The following MEOX2 variants were observed in gnomAD, a reference collection of about 807,000 sequenced individuals.
MEOX2 encodes the protein homeobox protein MOX-2.
Under a neutral mutation model 27.0 loss-of-function variants are expected in MEOX2, and 11 were observed. That is an observed-to-expected ratio of 0.41 (90% CI 0.26 to 0.68). The LOEUF is 0.68. MEOX2 is among the 30% of genes least tolerant of loss of function. MEOX2 has a pLI of 0.33. For synonymous variants in MEOX2, 189 were observed against 155.4 expected (o/e 1.22, Z -1.61); for missense variants, 436 against 385.4 (o/e 1.13, Z -1.10).
intron 2 of MEOX2, among the ~76,000 whole-genome samples, chr7:15,619,291 C>T (rs1781177708): frequency 6.6e-6 from 1 of 151,838 alleles, no homozygotes. Context: ...AAAAGGAATG[C>T]TGGGAGTGAT....
chr7:15,615,879 C>T (rs558685850), intron 2 of MEOX2, among the ~76,000 whole-genome samples: 57 of 151,892 alleles, frequency 3.8e-4, no homozygotes, highest in African/African-American at 1.3e-3. Flanking sequence ...TTTTAAAAAT[C>T]CACATATATT....
chr7:15,679,185 A>G (rs1459053183), intron 1 of MEOX2: 1 of 152,226 alleles, frequency 6.6e-6, no homozygotes, highest in East Asian at 1.9e-4. Context: ...ATGCATGCAT[A>G]TATATGTGTG....
intron 2 of MEOX2, among the ~76,000 whole-genome samples, chr7:15,614,658 T>A (rs947015694): frequency 8.5e-5 from 13 of 152,136 alleles, no homozygotes; most frequent in Non-Finnish European, 1.9e-4. Flanking sequence ...CTTTATTAAT[T>A]TTTCTATAGT....
At chr7:15,633,755 T>G (rs1295747983) in intron 1 of MEOX2, among the ~76,000 whole-genome samples, 1 of 151,922 alleles carries the variant, frequency 6.6e-6, no homozygotes, top group Non-Finnish European at 1.5e-5. Flanking sequence ...TTTATTTTCA[T>G]GTCTGCTTTG....
intron 1 of MEOX2, among the ~76,000 whole-genome samples, chr7:15,672,220 T>C (rs1323368888): frequency 6.6e-6 from 1 of 152,242 alleles, no homozygotes; most frequent in Non-Finnish European, 1.5e-5. Context: ...TGCTTGATAT[T>C]CCTTATGTTT....
In MEOX2 at chr7:15,686,548, T is replaced by G. The variant is rs1027368198; in HGVS notation, c.-146A>C. ...GTGCACTTCTGCAGAGCTCGGATAA[T>G]CCCGGTCCTGAGCCCCAGCGGCCAG... On this transcript the variant is annotated 5_prime_UTR_variant, in exon 1 of 3. Transcript: ENST00000262041. The G allele has an allele frequency of 2.0e-5, 15 of 740,114 alleles. No homozygotes were observed. Among genetic ancestry groups the G allele is most frequent in the African/African-American group, 2.0e-4 (11 of 56,162 alleles). The allele number at this position is 740,114 out of a possible 1,614,324, so 45.8% of individuals were successfully genotyped here.
intron 2 of MEOX2, 64 bp downstream of exon 2, chr7:15,626,682 G>A (rs1177768674): frequency 8.4e-7 from 1 of 1,193,738 alleles, no homozygotes; most frequent in Non-Finnish European, 1.2e-6. Context: ...TTCAAATATG[G>A]CAAAGAAGAC....
intron 1 of MEOX2, among the ~76,000 whole-genome samples, chr7:15,647,508 A>G (rs1781670185): frequency 6.6e-6 from 1 of 152,036 alleles, no homozygotes; most frequent in Admixed American, 6.6e-5. Flanking sequence ...ATATTACAGT[A>G]TTTCCTTTTC....
intron 2 of MEOX2, among the ~76,000 whole-genome samples, chr7:15,619,117 T>C (rs1201462869): frequency 6.6e-6 from 1 of 151,986 alleles, no homozygotes; most frequent in African/African-American, 2.4e-5. Flanking sequence ...TCACAGAACA[T>C]ATGTATGTAC....
intron 1 of MEOX2, among the ~76,000 whole-genome samples, chr7:15,676,699 C>T (rs749102265): frequency 1.3e-5 from 2 of 151,866 alleles, no homozygotes; most frequent in South Asian, 2.1e-4. Flanking sequence ...GGTGAAACCG[C>T]GTCTCTACTA....
intron 1 of MEOX2, among the ~76,000 whole-genome samples, chr7:15,637,486 G>C (rs748639740): frequency 6.6e-6 from 1 of 151,588 alleles, no homozygotes; most frequent in African/African-American, 2.4e-5. Flanking sequence ...AAAAGAGGAT[G>C]TGCTTACTCC....
intron 1 of MEOX2, among the ~76,000 whole-genome samples, chr7:15,635,233 G>C (rs1781461804): frequency 6.6e-6 from 1 of 151,962 alleles, no homozygotes; most frequent in Non-Finnish European, 1.5e-5. Context: ...CTAGGCCTAA[G>C]TGTCATTCAG....
At chr7:15,623,542 G>T (rs1273556854) in intron 2 of MEOX2, among the ~76,000 whole-genome samples, 1 of 152,016 alleles carries the variant, frequency 6.6e-6, no homozygotes, top group African/African-American at 2.4e-5. Context: ...GCTCATTTTT[G>T]TATTTGTAGT....
chr7:15,664,427 G>A (rs1382402869), intron 1 of MEOX2, among the ~76,000 whole-genome samples: 3 of 151,914 alleles, frequency 2.0e-5, no homozygotes, highest in Non-Finnish European at 4.4e-5. Flanking sequence ...TTTGATTGAG[G>A]TAAACAACAA....
intron 1 of MEOX2, among the ~76,000 whole-genome samples, chr7:15,647,748 C>T (rs938983128): frequency 6.6e-5 from 10 of 151,986 alleles, no homozygotes; most frequent in South Asian, 2.1e-4. Context: ...ATTACTAAAA[C>T]GTAGTTTCTC....
At chr7:15,639,559 G>C (rs1781529911) in intron 1 of MEOX2, among the ~76,000 whole-genome samples, 1 of 151,434 alleles carries the variant, frequency 6.6e-6, no homozygotes, top group Non-Finnish European at 1.5e-5. Context: ...TTCTAAAAAA[G>C]TTCTTCCTAG....
chr7:15,643,667 G>T (rs115553993), intron 1 of MEOX2, among the ~76,000 whole-genome samples: 2,369 of 152,250 alleles, frequency 0.016, 70 homozygotes, highest in African/African-American at 0.055. Context: ...GAAAAACTGC[G>T]GCTGTCAGGC....
At chr7:15,634,032 T>G (rs897983184) in intron 1 of MEOX2, among the ~76,000 whole-genome samples, 2 of 151,936 alleles carry the variant, frequency 1.3e-5, no homozygotes, top group Non-Finnish European at 2.9e-5. Context: ...GTGTAACTAA[T>G]GGCAGACAAG....
At chr7:15,666,139 G>A (rs1782001048) in intron 1 of MEOX2, among the ~76,000 whole-genome samples, 1 of 152,146 alleles carries the variant, frequency 6.6e-6, no homozygotes, top group African/African-American at 2.4e-5. Flanking sequence ...AACTCAGAAA[G>A]GGCTAAAAGT....
Sources: allele counts gnomAD v4.1 joint callset (sites outside exome capture counted in the v4.1 genomes callset), GRCh38; gene constraint gnomAD v4.1.1; transcripts MANE v1.5; gene names NCBI Gene and HGNC (gene_info 2026-07-23, HGNC 2026-07-21).